GPC3: variants seen among roughly 807,000 people sequenced by gnomAD.
GPC3 encodes the protein glypican 3, also known as glypican-3.
Under a neutral mutation model 34.4 loss-of-function variants are expected in GPC3, and 3 were observed. The ratio of observed to expected loss-of-function variants is 0.09; its 90% CI spans 0.04 to 0.23. The LOEUF (loss-of-function observed/expected upper bound fraction) is 0.23. Ranked by LOEUF, GPC3 falls within the 10% of genes least tolerant of loss-of-function variation. The probability of loss-of-function intolerance (pLI) is 1.00; values close to 1 mark genes in which losing one functional copy is unlikely to be tolerated. For missense variants in GPC3, 351 were observed against 445.6 expected (o/e 0.79, Z 1.91); for synonymous variants, 177 against 174.0 (o/e 1.02, Z -0.13).
chrX:133,849,197 C>A (rs1026798764), intron 2 of GPC3, among the ~76,000 whole-genome samples: 4 of 105,323 alleles, frequency 3.8e-5, no homozygotes, highest in Admixed American at 2.1e-4. Context: ...CGGGTTCACG[C>A]CATTCTCCTG....
chrX:133,642,901 A>G (rs1442780059), intron 6 of GPC3, among the ~76,000 whole-genome samples: 1 of 111,779 alleles, frequency 8.9e-6, no homozygotes, highest in African/African-American at 3.2e-5. Context: ...TTTGAGGGGT[A>G]TCCCCTTGAA....
At chrX:133,818,075 T>C (rs1268592269) in intron 2 of GPC3, among the ~76,000 whole-genome samples, 1 of 111,565 alleles carries the variant, frequency 9.0e-6, no homozygotes, top group Non-Finnish European at 1.9e-5. Flanking sequence ...CAGCTATCAT[T>C]GGATTTACAA....
intron 1 of GPC3, among the ~76,000 whole-genome samples, chrX:133,953,685 A>G (rs1038654334): frequency 8.9e-6 from 1 of 112,127 alleles, no homozygotes; most frequent in Non-Finnish European, 1.9e-5. Flanking sequence ...TTCAGGATAA[A>G]TGATCAAAAC....
At position 133,791,532 on chromosome X, in the gene GPC3, A is replaced by G. The variant is rs983278363; in HGVS notation, c.338-37356T>C. Reference sequence around the variant, plus strand: ...AGCTCAATAATTATCTTTTTCTGTTATCTTACTTAGATGCAACTCAGAAGT... The same window carrying G: ...AGCTCAATAATTATCTTTTTCTGTTGTCTTACTTAGATGCAACTCAGAAGT... On this transcript the variant is annotated intron_variant, in intron 2 of 7. Coordinates refer to ENST00000370818, the MANE Select transcript of GPC3 (RefSeq NM_004484.4). Among the ~76,000 whole-genome samples, 16 of 111,425 alleles carry G rather than the reference A, an allele frequency of 1.4e-4. No individual in the cohort carries two copies. In the South Asian group the frequency reaches 6.2e-3, roughly 43 times the overall value.
chrX:133,561,589 G>A (rs1291828478), intron 7 of GPC3, among the ~76,000 whole-genome samples: 1 of 112,127 alleles, frequency 8.9e-6, no homozygotes, highest in African/African-American at 3.2e-5. Flanking sequence ...GCAAGTAATG[G>A]ACTTATTAAA....
At chrX:133,878,024 CA>C (rs1379117737) in intron 2 of GPC3, among the ~76,000 whole-genome samples, 6 of 110,752 alleles carry the variant, frequency 5.4e-5, no homozygotes, top group African/African-American at 2.0e-4. Context: ...AATTTAAAAT[CA>C]GAAAAAAAGA....
intron 2 of GPC3, among the ~76,000 whole-genome samples, chrX:133,874,808 A>G (rs1466812271): frequency 8.9e-6 from 1 of 112,340 alleles, no homozygotes. Flanking sequence ...TGAGTTATTC[A>G]TCATCTTCCA....
At chrX:133,897,136 G>C (rs2076119363) in intron 2 of GPC3, among the ~76,000 whole-genome samples, 1 of 107,908 alleles carries the variant, frequency 9.3e-6, no homozygotes, top group African/African-American at 3.4e-5. Context: ...TCGATCTCCG[G>C]ACCTCATGAT....
intron 2 of GPC3, chrX:133,763,401 C>T: frequency 1.9e-6 from 1 of 539,855 alleles, no homozygotes. Context: ...CTGATCTCTA[C>T]TTCTACAGAG....
At chrX:133,904,654 T>C (rs1335240413) in intron 2 of GPC3, among the ~76,000 whole-genome samples, 1 of 111,742 alleles carries the variant, frequency 8.9e-6, no homozygotes, top group East Asian at 2.8e-4. Context: ...GATTAAAATG[T>C]TGATGAGAAG....
At chrX:133,720,487 C>T (rs903016459) in intron 3 of GPC3, among the ~76,000 whole-genome samples, 1 of 111,829 alleles carries the variant, frequency 8.9e-6, no homozygotes, top group African/African-American at 3.3e-5. Flanking sequence ...CTGCCGCCAT[C>T]CATGTAAGAT....
intron 3 of GPC3, among the ~76,000 whole-genome samples, chrX:133,721,722 C>A (rs981498811): frequency 1.8e-5 from 2 of 111,546 alleles, no homozygotes; most frequent in African/African-American, 6.5e-5. Context: ...TAAAAATCCC[C>A]AACAGAATCC....
Position 133,604,442 on chromosome X carries a change from T to C in GPC3, c.1414-7843A>G, listed in dbSNP as rs1009270638. 3.6e-5 allele frequency among the ~76,000 whole-genome samples: 4 copies of C among 111,278 alleles called. No individual in the cohort carries two copies. In the East Asian group the frequency reaches 8.5e-4, roughly 24 times the overall value. On this transcript the variant is annotated intron_variant, in intron 6 of 7. Coordinates refer to ENST00000370818, the MANE Select transcript of GPC3 (RefSeq NM_004484.4). ...GATAAGCACTGGGCATTGAACAACA[T>C]TGGATGCTTTCTGCTTGCTTTCCCC...
At chrX:133,602,849 A>T (rs934051466) in intron 6 of GPC3, among the ~76,000 whole-genome samples, 1 of 111,592 alleles carries the variant, frequency 9.0e-6, no homozygotes, top group Non-Finnish European at 1.9e-5. Context: ...AAAGAATTAA[A>T]CATTTTTTAA....
chrX:133,919,656 T>C (rs759372907), intron 2 of GPC3, among the ~76,000 whole-genome samples: 5 of 109,637 alleles, frequency 4.6e-5, no homozygotes, highest in African/African-American at 1.3e-4. Context: ...ATCCCATCTC[T>C]GTGAAAATTT....
chrX:133,799,226 T>C (rs1367136635), intron 2 of GPC3, among the ~76,000 whole-genome samples: 2 of 111,510 alleles, frequency 1.8e-5, no homozygotes, highest in East Asian at 2.8e-4. Flanking sequence ...ACATTGTCTC[T>C]ATAAAAAATA....
chrX:133,634,494 A>G (rs1383426591), intron 6 of GPC3, among the ~76,000 whole-genome samples: 1 of 112,514 alleles, frequency 8.9e-6, no homozygotes, highest in Non-Finnish European at 1.9e-5. Flanking sequence ...AATGCTACTC[A>G]GCAACAAAAA....
chrX:133,935,813 C>T (rs1286213437), intron 2 of GPC3, among the ~76,000 whole-genome samples: 1 of 111,214 alleles, frequency 9.0e-6, no homozygotes, highest in East Asian at 2.8e-4. Context: ...ATATGTTATA[C>T]TATGTCAGAC....
At chrX:133,552,185 G>A (rs368299965) in intron 7 of GPC3, among the ~76,000 whole-genome samples, 1 of 112,212 alleles carries the variant, frequency 8.9e-6, no homozygotes, top group East Asian at 2.8e-4. Context: ...TGCAAACATG[G>A]AATGAGGGGG....
Sources: allele counts gnomAD v4.1 joint callset (sites outside exome capture counted in the v4.1 genomes callset), GRCh38; gene constraint gnomAD v4.1.1; transcripts MANE v1.5; gene names NCBI Gene and HGNC (gene_info 2026-07-23, HGNC 2026-07-21).